HLCS: variants seen among roughly 807,000 people sequenced by gnomAD.
HLCS encodes biotin--protein ligase.
A neutral mutation model predicts 75.0 loss-of-function variants in HLCS; 53 were observed. The observed-to-expected ratio is 0.71, with a 90% CI of 0.57 to 0.89. HLCS has a LOEUF of 0.89. HLCS is among the 40% of genes least tolerant of loss of function. HLCS has a pLI of 0.00. For synonymous variants in HLCS, 431 were observed against 428.6 expected (o/e 1.01, Z -0.07); for missense variants, 966 against 1,074.0 (o/e 0.90, Z 1.41).
At chr21:36,783,317 G>A (rs1325704899) in intron 6 of HLCS, among the ~76,000 whole-genome samples, 1 of 152,150 alleles carries the variant, frequency 6.6e-6, no homozygotes, top group East Asian at 1.9e-4. Flanking sequence ...TTAGAATGCA[G>A]CTGGTCCAAA....
intron 2 of HLCS, 26 bp downstream of exon 2, chr21:36,962,010 G>A (rs1035360018): frequency 2.4e-6 from 3 of 1,269,476 alleles, no homozygotes; most frequent in Non-Finnish European, 3.1e-6. Flanking sequence ...AGTTCCTTAT[G>A]GGACACAAGT....
chr21:36,876,128 C>T (rs1389740902), intron 6 of HLCS, among the ~76,000 whole-genome samples: 1 of 152,102 alleles, frequency 6.6e-6, no homozygotes, highest in Non-Finnish European at 1.5e-5. Context: ...CAAGCTTGCT[C>T]GTTCACAACC....
At position 36,936,892 on chromosome 21, in the gene HLCS, C is replaced by T. The variant is rs1753656384; in HGVS notation, c.994G>A (p.Val332Met). ...TCAATGTCCACACAGTCGGCCAGCA[C>T]AGACCGGACCTCGTGGAACCGGCCG... The part of the protein sequence containing the change: ...ALGRFHEVRS[V>M]LADCVDIDSY... Residue 332 changes from valine (V) to methionine (M), a missense_variant, in exon 4 of 11, where the codon GTG (valine) becomes ATG (methionine). Physicochemically the swap from Val to Met is conservative, Grantham distance 21. Transcript: ENST00000674895. 2 of 1,614,078 alleles carry T rather than the reference C, an allele frequency of 1.2e-6. No homozygotes were observed. Among genetic ancestry groups the T allele is most frequent in the African/African-American group, 2.7e-5 (2 of 74,918 alleles).
At chr21:36,917,015 A>T (rs1466536176) in intron 5 of HLCS, among the ~76,000 whole-genome samples, 1 of 152,216 alleles carries the variant, frequency 6.6e-6, no homozygotes, top group Non-Finnish European at 1.5e-5. Context: ...AAAATGTGGC[A>T]AAAGGTTCAC....
chr21:36,877,484 A>C (rs1447836027), intron 6 of HLCS, among the ~76,000 whole-genome samples: 1 of 152,118 alleles, frequency 6.6e-6, no homozygotes, highest in African/African-American at 2.4e-5. Flanking sequence ...ATATTGTACC[A>C]TGTCAGATCA....
At chr21:36,934,513 G>A (rs1030286132) in intron 4 of HLCS, among the ~76,000 whole-genome samples, 4 of 152,096 alleles carry the variant, frequency 2.6e-5, no homozygotes, top group African/African-American at 9.7e-5. Context: ...CAAATTCCTG[G>A]TCCATTTGAC....
At chr21:36,947,434 G>A (rs2067457953) in intron 2 of HLCS, 1 of 985,286 alleles carries the variant, frequency 1.0e-6, no homozygotes, top group African/African-American at 1.7e-5. Context: ...GAACCGCGCT[G>A]TCACTGATAC....
At chr21:36,947,768 A>G (rs2146587478) in intron 2 of HLCS, 3 of 985,512 alleles carry the variant, frequency 3.0e-6, no homozygotes, top group Non-Finnish European at 3.6e-6. Context: ...AGGTTAAACT[A>G]GCACAGGTGG....
At chr21:36,935,922 T>G (rs1485691452) in intron 4 of HLCS, among the ~76,000 whole-genome samples, 1 of 152,002 alleles carries the variant, frequency 6.6e-6, no homozygotes, top group Non-Finnish European at 1.5e-5. Context: ...TTTTCAGCAC[T>G]TGGAAGAGTG....
At chr21:36,951,918 A>C (rs566944642) in intron 2 of HLCS, among the ~76,000 whole-genome samples, 1 of 152,368 alleles carries the variant, frequency 6.6e-6, no homozygotes, top group South Asian at 2.1e-4. Context: ...AATAAGCGAA[A>C]ATATGAGTAT....
chr21:36,846,367 G>A (rs565817839), intron 6 of HLCS, among the ~76,000 whole-genome samples: 15 of 152,176 alleles, frequency 9.9e-5, no homozygotes, highest in Admixed American at 5.9e-4. Context: ...AATAAATGTC[G>A]AGGTCCTCTG....
intron 6 of HLCS, among the ~76,000 whole-genome samples, chr21:36,828,654 G>A (rs552947456): frequency 1.3e-5 from 2 of 152,056 alleles, no homozygotes; most frequent in African/African-American, 4.8e-5. Context: ...AAGTGGATAA[G>A]CAATTAAAGA....
At chr21:36,912,307 AAAC>A (rs1361325687) in intron 5 of HLCS, among the ~76,000 whole-genome samples, 2 of 152,170 alleles carry the variant, frequency 1.3e-5, no homozygotes. Context: ...CAAAAAAAAA[AAAC>A]AAGGTATGAA....
chr21:36,810,106 G>A (rs1345582770), intron 6 of HLCS, among the ~76,000 whole-genome samples: 2 of 152,154 alleles, frequency 1.3e-5, no homozygotes, highest in Non-Finnish European at 2.9e-5. Flanking sequence ...GCTTCCCCTT[G>A]GGGTTGAACT....
chr21:36,766,200 T>TA (rs1435208162), intron 7 of HLCS, among the ~76,000 whole-genome samples: 2 of 152,138 alleles, frequency 1.3e-5, no homozygotes, highest in East Asian at 3.9e-4. Flanking sequence ...ATTTTTGTAT[T>TA]TTTTTTAAGA....
At chr21:36,800,089 A>G (rs2061152204) in intron 6 of HLCS, among the ~76,000 whole-genome samples, 1 of 152,150 alleles carries the variant, frequency 6.6e-6, no homozygotes, top group Non-Finnish European at 1.5e-5. Context: ...CTGAAAACAC[A>G]GGAAAACAAC....
At chr21:36,809,826 C>T (rs2061460919) in intron 6 of HLCS, among the ~76,000 whole-genome samples, 1 of 152,330 alleles carries the variant, frequency 6.6e-6, no homozygotes, top group East Asian at 1.9e-4. Context: ...GCAGCCATGA[C>T]CTCCTGGGCC....
chr21:36,820,389 T>C (rs1601392191), intron 6 of HLCS, among the ~76,000 whole-genome samples: 1 of 152,160 alleles, frequency 6.6e-6, no homozygotes, highest in Non-Finnish European at 1.5e-5. Context: ...CCGACTGGGA[T>C]TCCTCGCGCT....
At chr21:36,838,994 C>T (rs1041733116) in intron 6 of HLCS, among the ~76,000 whole-genome samples, 2 of 152,018 alleles carry the variant, frequency 1.3e-5, no homozygotes, top group Non-Finnish European at 1.5e-5. Context: ...TACAGCAGCA[C>T]CAAGAAACGT....
Sources: gnomAD v4.1 joint callset for allele counts (sites outside exome capture counted in the v4.1 genomes callset) on GRCh38, gnomAD v4.1.1 for gene constraint, MANE v1.5 for transcripts, NCBI Gene and HGNC (gene_info 2026-07-23, HGNC 2026-07-21) for gene names.